Variants in SLCO6A1 observed in about 807,000 individuals in gnomAD.
SLCO6A1 encodes the protein cancer/testis antigen 48.
Under a neutral mutation model 72.7 loss-of-function variants are expected in SLCO6A1, and 65 were observed. That is an observed-to-expected ratio of 0.89 (90% CI 0.73 to 1.10). The LOEUF is 1.10. SLCO6A1 is among the 50% of genes least tolerant of loss of function. The pLI is 0.00. For synonymous variants in SLCO6A1, 314 were observed against 298.2 expected (o/e 1.05, Z -0.55); for missense variants, 874 against 872.6 (o/e 1.00, Z -0.02).
chr5:102,495,248 G>A (rs1752856569), intron 1 of SLCO6A1, among the ~76,000 whole-genome samples: 1 of 152,182 alleles, frequency 6.6e-6, no homozygotes, highest in Non-Finnish European at 1.5e-5. Context: ...GGAGCAGGAA[G>A]TGACTGCAAA....
chr5:102,399,827 T>C (rs1476375256), intron 9 of SLCO6A1, 85 bp from the exon 10 acceptor site: 2 of 940,704 alleles, frequency 2.1e-6, no homozygotes, highest in Non-Finnish European at 3.1e-6. Flanking sequence ...ATTAAATCAA[T>C]AACTGCAAGG....
At chr5:102,402,189 A>T (rs1747435355) in intron 9 of SLCO6A1, among the ~76,000 whole-genome samples, 1 of 152,134 alleles carries the variant, frequency 6.6e-6, no homozygotes, top group Non-Finnish European at 1.5e-5. Flanking sequence ...ACCGAAGGAC[A>T]TTGCATGAGG....
intron 2 of SLCO6A1, among the ~76,000 whole-genome samples, 198 bp downstream of exon 2, chr5:102,479,979 T>C (rs555840274): frequency 6.6e-6 from 1 of 152,322 alleles, no homozygotes; most frequent in East Asian, 1.9e-4. Context: ...CTAAAATTAA[T>C]CATTAACTTC....
intron 2 of SLCO6A1, among the ~76,000 whole-genome samples, chr5:102,479,604 G>A (rs1752083685): frequency 6.6e-6 from 1 of 151,926 alleles, no homozygotes; most frequent in African/African-American, 2.4e-5. Context: ...CTATCCCAAT[G>A]TCCCCTTCAT....
chr5:102,477,765 A>G lies in SLCO6A1; in HGVS notation c.713T>C (p.Val238Ala), dbSNP rs1342223851. ...AAGAGGCATTCCTGCTATTCCCTGC[A>G]CAGTCTGCCCAAGGATGAAGAAAGA... ...YLSFFILGQT[V>A]QGIAGMPLYI... Residue 238 changes from valine to alanine, a missense_variant, in exon 3 of 14, where the codon GTG becomes GCG. Physicochemically the swap from Val to Ala is moderately conservative, Grantham distance 64. Coordinates refer to ENST00000506729, the MANE Select transcript of SLCO6A1 (RefSeq NM_173488.5). The G allele has an allele frequency of 6.2e-7, 1 of 1,613,852 alleles. No individual in the cohort carries two copies. Among genetic ancestry groups the G allele is most frequent in the Non-Finnish European group, 8.5e-7 (1 of 1,179,844 alleles).
At chr5:102,461,150 T>C (rs1439747300) in intron 4 of SLCO6A1, among the ~76,000 whole-genome samples, 1 of 151,468 alleles carries the variant, frequency 6.6e-6, no homozygotes, top group Non-Finnish European at 1.5e-5. Context: ...GGAAATCAAC[T>C]AAAAAAACTA....
intron 4 of SLCO6A1, among the ~76,000 whole-genome samples, chr5:102,465,107 C>A (rs1042912590): frequency 6.6e-6 from 1 of 152,090 alleles, no homozygotes; most frequent in Non-Finnish European, 1.5e-5. Context: ...CAACTGAAAA[C>A]TAAAACACTG....
At chr5:102,384,855 A>G (rs1020286143) in intron 12 of SLCO6A1, among the ~76,000 whole-genome samples, 12 of 152,098 alleles carry the variant, frequency 7.9e-5, no homozygotes, top group Non-Finnish European at 1.8e-4. Flanking sequence ...CAACCTTTCA[A>G]TTCAACATTA....
intron 10 of SLCO6A1, among the ~76,000 whole-genome samples, chr5:102,396,046 T>G (rs531076571): frequency 6.6e-6 from 1 of 152,264 alleles, no homozygotes; most frequent in South Asian, 2.1e-4. Context: ...TTTAGTTTAA[T>G]TAGATCCCAT....
At chr5:102,493,208 A>G (rs1289258834) in intron 1 of SLCO6A1, among the ~76,000 whole-genome samples, 1 of 152,326 alleles carries the variant, frequency 6.6e-6, no homozygotes, top group South Asian at 2.1e-4. Flanking sequence ...AAAACACTCT[A>G]AGAAAACTGT....
chr5:102,424,707 T>C (rs1397880445), intron 7 of SLCO6A1, among the ~76,000 whole-genome samples: 1 of 152,152 alleles, frequency 6.6e-6, no homozygotes, highest in African/African-American at 2.4e-5. Context: ...GAAGAGTTGG[T>C]ACCATTCCTT....
chr5:102,388,202 A>C (rs985576420), intron 12 of SLCO6A1, among the ~76,000 whole-genome samples: 1 of 152,226 alleles, frequency 6.6e-6, no homozygotes, highest in South Asian at 2.1e-4. Flanking sequence ...ATTATTTCCC[A>C]AACTAAAATT....
Position 102,455,954 on chromosome 5 carries a change from T to A in SLCO6A1, c.1131+2428A>T, listed in dbSNP as rs527925811. Among the ~76,000 whole-genome samples the A allele has an allele frequency of 2.6e-5, 4 of 152,164 alleles. No individual in the cohort carries two copies. The South Asian group carries it at 8.3e-4, about 32-fold the overall frequency. ...TGGGATGCAAGGCTGGTACAACATA[T>A]GCAAATCAATAAACATAATCCAGCA... On this transcript the variant is annotated intron_variant, in intron 6 of 13. Transcript: ENST00000506729.
Position 102,495,535 on chromosome 5 carries a change from C to T in SLCO6A1, c.358+2952G>A, listed in dbSNP as rs1284283514. ...ACTTGTACCAAGGAGGCGGAGGTTG[C>T]AGTGAGCCGAGATCACATCATTGCA... On this transcript the variant is annotated intron_variant, in intron 1 of 13. Coordinates refer to ENST00000506729, the MANE Select transcript of SLCO6A1 (RefSeq NM_173488.5). Among the ~76,000 whole-genome samples the T allele has an allele frequency of 5.3e-5, 8 of 152,170 alleles. 1 individual carries two copies. In the South Asian group the frequency reaches 8.3e-4, roughly 16 times the overall value.
intron 1 of SLCO6A1, among the ~76,000 whole-genome samples, chr5:102,495,577 A>T (rs1752874033): frequency 6.6e-6 from 1 of 152,190 alleles, no homozygotes. Flanking sequence ...CGTGGGTGAC[A>T]AGAGCAAGAC....
rs921319764 is a variant in SLCO6A1, at chr5:102,447,151, T to C, written c.1132-8390A>G. Among the ~76,000 whole-genome samples the C allele has an allele frequency of 3.9e-5, 6 of 152,364 alleles. No homozygotes were observed. The South Asian group carries it at 1.2e-3, about 32-fold the overall frequency. On this transcript the variant is annotated intron_variant, in intron 6 of 13. Transcript: ENST00000506729. ...GTGCTTTTGTTTTTAGTTCTGTTTA[T>C]GTGGTGAATCACATTTAGTGATTTG...
chr5:102,452,723 G>T (rs2400799), intron 6 of SLCO6A1, among the ~76,000 whole-genome samples: 96,810 of 151,962 alleles, frequency 0.64, 31,014 homozygotes, highest in African/African-American at 0.66. Flanking sequence ...CTAGTTTTTT[G>T]TCTCACTTTA....
At chr5:102,410,338 T>G (rs1747907976) in intron 9 of SLCO6A1, among the ~76,000 whole-genome samples, 1 of 152,152 alleles carries the variant, frequency 6.6e-6, no homozygotes, top group Non-Finnish European at 1.5e-5. Flanking sequence ...TCCTCTCCTC[T>G]GCTCTGGCTG....
intron 1 of SLCO6A1, among the ~76,000 whole-genome samples, chr5:102,486,334 G>C (rs1752442485): frequency 1.3e-5 from 2 of 152,022 alleles, no homozygotes; most frequent in African/African-American, 4.8e-5. Flanking sequence ...ATGCATTTTA[G>C]TATCTTCCCA....
Sources: allele counts gnomAD v4.1 joint callset (sites outside exome capture counted in the v4.1 genomes callset), GRCh38; gene constraint gnomAD v4.1.1; transcripts MANE v1.5; gene names NCBI Gene and HGNC (gene_info 2026-07-23, HGNC 2026-07-21).